Variants in INSC observed in about 807,000 individuals in gnomAD.
INSC encodes INSC spindle orientation adaptor protein, also known as protein inscuteable homolog.
A neutral mutation model predicts 58.6 loss-of-function variants in INSC; 67 were observed. That is an observed-to-expected ratio of 1.14 (90% CI 0.94 to 1.40). INSC has a LOEUF of 1.40. Ranked by LOEUF, INSC falls within the 40% of genes most tolerant of loss-of-function variation. The pLI is 0.00. For missense variants in INSC, 714 were observed against 692.0 expected (o/e 1.03, Z -0.36); for synonymous variants, 262 against 276.1 (o/e 0.95, Z 0.51).
In INSC at chr11:15,246,971, A is replaced by C. The variant is rs928544128; in HGVS notation, c.*931A>C. 2 of 151,656 alleles carry C rather than the reference A, an allele frequency of 1.3e-5. No individual in the cohort carries two copies. Among genetic ancestry groups the C allele is most frequent in the African/African-American group, 4.8e-5 (2 of 41,238 alleles). 9.4% of individuals were successfully genotyped at this position (151,656 alleles called of 1,614,324 possible). On this transcript the variant is annotated 3_prime_UTR_variant, in exon 13 of 13. Coordinates refer to ENST00000379556, the MANE Select transcript of INSC (RefSeq NM_001042536.3). The stretch of plus-strand genomic sequence containing the variant: ...ATGAGCCCTCATGTTGAAATTGGCC[A>C]TAGTGGGAGTATTTACACCACAGAA...
rs977568167 is a variant in INSC at position 15,158,780 on chromosome 11, G to GGCTT, written c.56+9552_56+9555dup. 4.6e-5 allele frequency among the ~76,000 whole-genome samples: 7 copies of GGCTT among 151,478 alleles called. No individual in the cohort carries two copies. In the South Asian group the frequency reaches 6.2e-4, roughly 14 times the overall value. ...CTTAAAGGAGATAATATATAGAGAG[G>GGCTT]GCTTGGACACTGCCTGACTCCTTGC... is the stretch of plus-strand genomic sequence containing the variant. On this transcript the variant is annotated intron_variant, in intron 2 of 12. Coordinates refer to ENST00000379556, the MANE Select transcript of INSC (RefSeq NM_001042536.3).
chr11:15,267,429 C>A, the INSC span, among the ~76,000 whole-genome samples: 1 of 151,954 alleles, frequency 6.6e-6, no homozygotes, highest in Non-Finnish European at 1.5e-5. Flanking sequence ...CATTTCCCCC[C>A]AGTTTTTGTT....
chr11:15,159,911 G>A (rs143601740), intron 2 of INSC, among the ~76,000 whole-genome samples: 177 of 152,296 alleles, frequency 1.2e-3, no homozygotes, highest in Non-Finnish European at 1.7e-3. Flanking sequence ...CTCACAACCC[G>A]ATGAGACAGG....
In INSC at chr11:15,178,372, C is replaced by A. The variant is rs769241700; in HGVS notation, c.504C>A (p.Cys168Ter). Residue 168 changes from cysteine to a stop codon, truncating the protein, a stop_gained, in exon 5 of 13, where the codon TGC becomes TGA. Transcript: ENST00000379556. LOFTEE classifies it high-confidence loss of function. The stretch of plus-strand genomic sequence containing the variant: ...ATGTCCTGAAGTCAATGAAGGCCTG[C>A]GTGAGTGAGACCCTGAGCATGCTGG... ...NEHVLKSMKA[C>*]VSETLSMLGQ... 8 of 1,613,734 alleles carry A rather than the reference C, an allele frequency of 5.0e-6. No individual in the cohort carries two copies. The highest frequency in any genetic ancestry group is 5.1e-6 in the Non-Finnish European group (6 of 1,180,028).
chr11:15,214,015 C>T (rs1442058037), intron 7 of INSC, among the ~76,000 whole-genome samples: 2 of 152,310 alleles, frequency 1.3e-5, no homozygotes, highest in South Asian at 4.1e-4. Flanking sequence ...CATCCTGAAC[C>T]TTGTCCCTAT....
At chr11:15,158,139 C>G (rs1031186177) in intron 2 of INSC, among the ~76,000 whole-genome samples, 2 of 151,986 alleles carry the variant, frequency 1.3e-5, no homozygotes, top group Admixed American at 6.5e-5. Flanking sequence ...TATCATTTCC[C>G]AACAGGCTAC....
intron 5 of INSC, among the ~76,000 whole-genome samples, chr11:15,182,108 T>A (rs1013730416): frequency 2.0e-5 from 3 of 152,300 alleles, no homozygotes; most frequent in Non-Finnish European, 4.4e-5. Context: ...TTCCCAGCCA[T>A]AATTAAAAGG....
chr11:15,238,948 GA>G lies in INSC; in HGVS notation c.1272del (p.Lys424AsnfsTer22). 1 of 1,614,194 alleles carries G rather than the reference GA, an allele frequency of 6.2e-7. No individual in the cohort carries two copies. The highest frequency in any genetic ancestry group is 8.5e-7 in the Non-Finnish European group (1 of 1,179,998). On this transcript the variant is annotated frameshift_variant, in exon 11 of 13. Transcript: ENST00000379556. LOFTEE classifies it high-confidence loss of function. ...CCAGCTTATCATGGGCATGCTGTCT[GA>G]AAAACCAAGGTCTGGGACTCCTGCT... ...GVQLIMGMLS[E>X]KPRSGTPAEV...
chr11:15,177,008 A>G (rs1849594433), intron 3 of INSC, 103 bp from the exon 4 acceptor site: 1 of 923,102 alleles, frequency 1.1e-6, no homozygotes, highest in Non-Finnish European at 1.8e-6. Flanking sequence ...CCCAAGTCAC[A>G]TTAATTGATT....
intron 1 of INSC, among the ~76,000 whole-genome samples, chr11:15,120,058 G>C (rs1847832876): frequency 6.6e-6 from 1 of 152,118 alleles, no homozygotes; most frequent in Admixed American, 6.5e-5. Context: ...TGTTATCTTG[G>C]GTTAAGTCAC....
At chr11:15,216,410 C>G (rs1469477911) in intron 7 of INSC, among the ~76,000 whole-genome samples, 1 of 152,202 alleles carries the variant, frequency 6.6e-6, no homozygotes, top group Non-Finnish European at 1.5e-5. Context: ...CACTTTCTCT[C>G]TGTCTCACTC....
rs139088132 is a variant in INSC at position 15,218,431 on chromosome 11, G to A, written c.820-3046G>A. Reference sequence around the variant, plus strand: ...CCAGCAGGAGAAATCAGAGGTATGAGATCATGAAAGGTGTGCTGGGGATTT... The same window carrying A: ...CCAGCAGGAGAAATCAGAGGTATGAAATCATGAAAGGTGTGCTGGGGATTT... On this transcript the variant is annotated intron_variant, in intron 7 of 12. Transcript: ENST00000379556. Among the ~76,000 whole-genome samples, 380 of 152,272 alleles carry A rather than the reference G, an allele frequency of 2.5e-3. 2 individuals carry two copies. Among genetic ancestry groups the A allele is most frequent in the African/African-American group, 8.8e-3 (367 of 41,556 alleles).
chr11:15,174,130 C>G (rs1051263217), intron 2 of INSC, among the ~76,000 whole-genome samples: 2 of 151,860 alleles, frequency 1.3e-5, no homozygotes, highest in African/African-American at 2.4e-5. Flanking sequence ...GCTACTCTGG[C>G]CTCCTTGCTA....
chr11:15,249,012 C>T (rs539334157), downstream of INSC, among the ~76,000 whole-genome samples: 12 of 152,152 alleles, frequency 7.9e-5, no homozygotes, highest in African/African-American at 2.4e-4. Context: ...AGGGCTTATC[C>T]GGTGGGAGCC....
the INSC span, among the ~76,000 whole-genome samples, chr11:15,265,702 T>G: frequency 6.6e-6 from 1 of 152,006 alleles, no homozygotes; most frequent in Non-Finnish European, 1.5e-5. Context: ...TTTACTAGTT[T>G]ATTTAAAGTA....
intron 1 of INSC, among the ~76,000 whole-genome samples, chr11:15,116,205 T>C (rs905398775): frequency 6.6e-6 from 1 of 152,184 alleles, no homozygotes; most frequent in Non-Finnish European, 1.5e-5. Context: ...CAGGTCAGGC[T>C]GGGATCTGAC....
At chr11:15,203,860 A>G (rs949298746) in intron 7 of INSC, among the ~76,000 whole-genome samples, 1 of 151,602 alleles carries the variant, frequency 6.6e-6, no homozygotes, top group African/African-American at 2.4e-5. Flanking sequence ...AAAAAAAAAC[A>G]GAAGAAGAAT....
chr11:15,247,725 G>T (rs1852604639), downstream of INSC, among the ~76,000 whole-genome samples: 1 of 81,052 alleles, frequency 1.2e-5, no homozygotes, highest in Non-Finnish European at 2.7e-5. Context: ...TCCATTTTTA[G>T]AAATAAGGTA....
At chr11:15,230,014 AT>A (rs1851857550) in intron 9 of INSC, among the ~76,000 whole-genome samples, 6 of 9,298 alleles carry the variant, frequency 6.5e-4, no homozygotes. Context: ...TATATATATA[AT>A]ATATATATAT....
Sources: gnomAD v4.1 joint callset for allele counts (sites outside exome capture counted in the v4.1 genomes callset) on GRCh38, gnomAD v4.1.1 for gene constraint, MANE v1.5 for transcripts, NCBI Gene and HGNC (gene_info 2026-07-23, HGNC 2026-07-21) for gene names.